The following NBEAL1 variants were observed in gnomAD, a reference collection of about 807,000 sequenced individuals.
NBEAL1 encodes the protein neurobeachin like 1.
Under a neutral mutation model 351.3 loss-of-function variants are expected in NBEAL1, and 273 were observed. The ratio of observed to expected loss-of-function variants is 0.78; its 90% CI spans 0.70 to 0.86. The LOEUF is 0.86. NBEAL1 is among the 40% of genes least tolerant of loss of function. NBEAL1 has a pLI of 0.00. For synonymous variants in NBEAL1, 1,050 were observed against 1,086.4 expected (o/e 0.97, Z 0.66); for missense variants, 2,961 against 3,201.3 (o/e 0.92, Z 1.81).
rs767463267 is a variant in NBEAL1, at chr2:203,144,723, C to G, written c.4972C>G (p.Gln1658Glu). Residue 1658 changes from glutamine (Q) to glutamate (E), a missense_variant, in exon 32 of 56, where the codon CAG (glutamine) becomes GAG (glutamate). Coordinates refer to ENST00000683969, the MANE Select transcript of NBEAL1 (RefSeq NM_001378026.1). ...EHVLSQSIKE[Q>E]TEIYSFLIPL... The stretch of plus-strand genomic sequence containing the variant: ...TGTTCTAAGTCAATCAATCAAGGAA[C>G]AGACTGAAATCTACTCATTTCTGAT... The G allele has an allele frequency of 1.2e-6, 2 of 1,614,140 alleles. No individual in the cohort carries two copies. The highest frequency in any genetic ancestry group is 3.3e-5 in the Admixed American group (2 of 60,016).
Position 203,221,970 on chromosome 2 carries a change from C to T in NBEAL1, c.*4616C>T, listed in dbSNP as rs1233948780. 6.6e-6 allele frequency among the ~76,000 whole-genome samples: 1 copy of T among 152,182 alleles called. No individual in the cohort carries two copies. Among genetic ancestry groups the T allele is most frequent in the Non-Finnish European group, 1.5e-5 (1 of 68,028 alleles). ...TTAGGAGGCTGAGGCAGGAGGATCA[C>T]TGGAGCCTAGGAGCTCAAGACCAGC... On this transcript the variant is annotated 3_prime_UTR_variant, in exon 56 of 56. Transcript: ENST00000683969.
intron 54 of NBEAL1, among the ~76,000 whole-genome samples, chr2:203,212,877 G>T (rs1353825688): frequency 1.3e-5 from 2 of 152,172 alleles, no homozygotes; most frequent in African/African-American, 4.8e-5. Context: ...GAACAGCAAT[G>T]AACATGGTGT....
In NBEAL1 at chr2:203,028,927, C is replaced by T. The variant is rs143257127; in HGVS notation, c.51+12492C>T. 3.3e-3 allele frequency among the ~76,000 whole-genome samples: 497 copies of T among 152,188 alleles called. 4 individuals are homozygous for T. Among genetic ancestry groups the T allele is most frequent in the African/African-American group, 0.012 (479 of 41,526 alleles). On this transcript the variant is annotated intron_variant, in intron 2 of 55. Transcript: ENST00000683969. ...CCCACACATGCACAACCTTCCCTAC[C>T]ATCTATATCCTGGACCACAATGCGC...
chr2:203,197,626 G>A (rs2105800147), intron 48 of NBEAL1, among the ~76,000 whole-genome samples: 1 of 152,260 alleles, frequency 6.6e-6, no homozygotes, highest in African/African-American at 2.4e-5. Context: ...TATAAAAATA[G>A]GCTGGGCACA....
chr2:203,016,331 G>A lies in NBEAL1; in HGVS notation c.-54G>A. The A allele has an allele frequency of 7.8e-7, 1 of 1,282,874 alleles. No homozygotes were observed. The highest frequency in any genetic ancestry group is 1.1e-6 in the Non-Finnish European group (1 of 933,702). The allele number at this position is 1,282,874 out of a possible 1,614,324, so 79.5% of individuals were successfully genotyped here. On this transcript the variant is annotated 5_prime_UTR_variant, in exon 2 of 56. The change abolishes the stop of an existing upstream ORF in the 5' untranslated region. Transcript: ENST00000683969. ...TGGAAAATAAAATGGACATGCTGTA[G>A]TCTTGAACATAATTTTTTTAAGGAA...
chr2:203,145,797 C>CAAAAAAAAAAA (rs56382460), intron 33 of NBEAL1, among the ~76,000 whole-genome samples: 8 of 86,136 alleles, frequency 9.3e-5, no homozygotes, highest in Admixed American at 1.3e-4. Context: ...GACTCCATCT[C>CAAAAAAAAAAA]AAAAAAAAAA....
At chr2:203,138,439 G>A in intron 30 of NBEAL1, 124 bp downstream of exon 30, 1 of 1,063,492 alleles carries the variant, frequency 9.4e-7, no homozygotes, top group Admixed American at 2.9e-5. Flanking sequence ...AGGATAAGAT[G>A]TGATGAATAG....
intron 44 of NBEAL1, among the ~76,000 whole-genome samples, chr2:203,184,630 C>T (rs1022217264): frequency 6.6e-6 from 1 of 151,500 alleles, no homozygotes; most frequent in African/African-American, 2.4e-5. Context: ...AATAATTAAG[C>T]CAGTACTTGG....
chr2:203,175,088 A>G lies in NBEAL1; in HGVS notation c.6324-59A>G, dbSNP rs1178089858. The G allele has an allele frequency of 2.2e-6, 3 of 1,367,854 alleles. No homozygotes were observed. In the East Asian group the frequency reaches 6.9e-5, roughly 32 times the overall value. 84.7% of individuals were successfully genotyped at this position (1,367,854 alleles called of 1,614,324 possible). On this transcript the variant is annotated intron_variant, in intron 41 of 55. Transcript: ENST00000683969. ...ATTTTCAGAAATAAAATACAAACTT[A>G]TGCCCCCTTATGTACTTTATTATTG...
In NBEAL1 at chr2:203,110,173, G is replaced by C; in HGVS notation, c.1973G>C (p.Gly658Ala). 6.4e-7 allele frequency: 1 copy of C among 1,551,414 alleles called. No individual in the cohort carries two copies. The highest frequency in any genetic ancestry group is 8.7e-7 in the Non-Finnish European group (1 of 1,146,822). ...LYSFFTGSGM[G>A]FEAFITHSGM... ...AGTTTTTTTACAGGAAGTGGCATGG[G>C]TTTTGAAGCCTTTATTACCCATTCA... Residue 658 changes from glycine to alanine, a missense_variant, in exon 15 of 56, where the codon GGT becomes GCT. Physicochemically the swap from Gly to Ala is moderately conservative, Grantham distance 60. Transcript: ENST00000683969.
At chr2:203,136,851 T>C in intron 29 of NBEAL1, 77 bp downstream of exon 29, 10 of 1,257,978 alleles carry the variant, frequency 7.9e-6, no homozygotes, top group Non-Finnish European at 1.1e-5. Flanking sequence ...TTATTGAACA[T>C]TTATTCAGTA....
chr2:203,194,331 G>A (rs1355573503), intron 47 of NBEAL1, among the ~76,000 whole-genome samples: 17 of 152,088 alleles, frequency 1.1e-4, no homozygotes, highest in Admixed American at 1.0e-3. Context: ...AGTTAATGGT[G>A]TAATTGAAAG....
At position 203,145,149 on chromosome 2, in the gene NBEAL1, C is replaced by T. The variant is rs972075200; in HGVS notation, c.5293C>T (p.Leu1765Phe). Reference sequence around the variant, plus strand: ...AGACCGGGAAGGAGGGGAAAGCAAGCTCAAATTTCAGGTAAAAAGTAAATG... The same window carrying T: ...AGACCGGGAAGGAGGGGAAAGCAAGTTCAAATTTCAGGTAAAAAGTAAATG... ...KRDREGGESK[L>F]KFQELFVEPF... Residue 1765 changes from leucine (L) to phenylalanine (F), a missense_variant, in exon 33 of 56, where the codon CTC becomes TTC. Transcript: ENST00000683969. 1.3e-6 allele frequency: 2 copies of T among 1,599,098 alleles called. No individual in the cohort carries two copies. The highest frequency in any genetic ancestry group is 1.7e-6 in the Non-Finnish European group (2 of 1,176,162).
intron 51 of NBEAL1, among the ~76,000 whole-genome samples, chr2:203,205,347 C>T (rs1252855313): frequency 6.6e-6 from 1 of 151,872 alleles, no homozygotes; most frequent in African/African-American, 2.4e-5. Context: ...GTTCCTTTAC[C>T]CCTAAATAGG....
chr2:203,175,322 C>G lies in NBEAL1; in HGVS notation c.6464+35C>G, dbSNP rs1249007473. ...GAGTAAATAAGCTATTTTTTTATGA[C>G]TATGTTAGTGTTGAAAACTGTTTGC... On this transcript the variant is annotated intron_variant, in intron 42 of 55. Transcript: ENST00000683969. 4 of 1,608,292 alleles carry G rather than the reference C, an allele frequency of 2.5e-6. No individual in the cohort carries two copies. The South Asian group carries it at 4.4e-5, about 18-fold the overall frequency.
chr2:203,037,924 C>T (rs1469855010), intron 2 of NBEAL1, among the ~76,000 whole-genome samples: 6 of 148,918 alleles, frequency 4.0e-5, no homozygotes, highest in Middle Eastern at 3.2e-3. Context: ...CACTGCACTC[C>T]GGCCTGGGTA....
intron 17 of NBEAL1, among the ~76,000 whole-genome samples, chr2:203,115,130 CTT>C (rs879546697): frequency 2.1e-4 from 28 of 132,850 alleles, no homozygotes; most frequent in Middle Eastern, 4.3e-3. Context: ...TAATTTCTTT[CTT>C]TTTTTTTTTT....
chr2:203,215,709 G>A (rs191501672), intron 55 of NBEAL1, among the ~76,000 whole-genome samples: 1 of 151,060 alleles, frequency 6.6e-6, no homozygotes, highest in Admixed American at 6.6e-5. Context: ...AAAGAAAAGT[G>A]ACCATTAAAA....
chr2:203,209,986 A>G (rs1263355823), intron 53 of NBEAL1, among the ~76,000 whole-genome samples: 9 of 152,034 alleles, frequency 5.9e-5, no homozygotes, highest in African/African-American at 1.7e-4. Flanking sequence ...CCTGGGCTCA[A>G]GCGATCCTCC....
Sources: allele counts gnomAD v4.1 joint callset (sites outside exome capture counted in the v4.1 genomes callset), GRCh38; gene constraint gnomAD v4.1.1; transcripts MANE v1.5; gene names NCBI Gene and HGNC (gene_info 2026-07-23, HGNC 2026-07-21).